The following ZNF273 variants were observed in gnomAD, a reference collection of about 807,000 sequenced individuals.
ZNF273 encodes zinc finger protein 273, also known as zinc finger protein 9.
Under a neutral mutation model 14.9 loss-of-function variants are expected in ZNF273, and 11 were observed. The ratio of observed to expected loss-of-function variants is 0.74; its 90% confidence interval spans 0.46 to 1.22. The LOEUF (loss-of-function observed/expected upper bound fraction) is 1.22, where lower values mean the gene tolerates loss of function less well. Among genes scored for constraint, ZNF273 ranks in the 50% most tolerant of loss-of-function variants. ZNF273 has a pLI of 0.00. For missense variants in ZNF273, 577 were observed against 660.6 expected (o/e 0.87, Z 1.39); for synonymous variants, 199 against 223.9 (o/e 0.89, Z 0.99).
At chr7:64,912,908 A>C (rs1454210551) in intron 1 of ZNF273, among the ~76,000 whole-genome samples, 7 of 132,916 alleles carry the variant, frequency 5.3e-5, no homozygotes, top group Non-Finnish European at 9.3e-5. Context: ...GGCTCACTGC[A>C]ACCTCCGCCT....
downstream of ZNF273, among the ~76,000 whole-genome samples, chr7:64,884,205 A>C (rs1039625137): frequency 1.3e-5 from 2 of 151,960 alleles, no homozygotes; most frequent in African/African-American, 4.8e-5. Flanking sequence ...AGGGTTTTTC[A>C]GTAGTTTGGC....
intron 3 of ZNF273, among the ~76,000 whole-genome samples, chr7:64,895,604 T>A (rs1009097908): frequency 1.3e-5 from 2 of 152,200 alleles, no homozygotes; most frequent in African/African-American, 4.8e-5. Flanking sequence ...TGGCTTAGTA[T>A]AAAAAAGCTG....
At chr7:64,894,287 G>A (rs1583969222), downstream of ZNF273, among the ~76,000 whole-genome samples, 1 of 150,688 alleles carries the variant, frequency 6.6e-6, no homozygotes, top group Non-Finnish European at 1.5e-5. Flanking sequence ...TTACGGGCAT[G>A]AGCCTCCATG....
chr7:64,920,806 G>A (rs911134057), intron 3 of ZNF273, among the ~76,000 whole-genome samples: 1 of 152,114 alleles, frequency 6.6e-6, no homozygotes, highest in African/African-American at 2.4e-5. Flanking sequence ...AATCCAGGCT[G>A]GTCTTAAAAT....
chr7:64,902,287 T>C (rs1169898055), upstream of ZNF273, among the ~76,000 whole-genome samples: 1 of 152,028 alleles, frequency 6.6e-6, no homozygotes, highest in Non-Finnish European at 1.5e-5. Context: ...AACTCCGTTT[T>C]AAAATCTCAG....
chr7:64,888,667 G>T (rs1791758993), exon 2 of ZNF273: 1 of 985,760 alleles, frequency 1.0e-6, no homozygotes, highest in African/African-American at 1.7e-5. Context: ...AGGGGGCCGC[G>T]TCTTCGGCAA....
intron 2 of ZNF273, among the ~76,000 whole-genome samples, chr7:64,917,987 C>T (rs2129082979): frequency 6.6e-6 from 1 of 152,192 alleles, no homozygotes; most frequent in South Asian, 2.1e-4. Flanking sequence ...ATTGCCACCA[C>T]TAATTTTTCA....
chr7:64,919,210 C>T (rs1043325366), intron 3 of ZNF273, among the ~76,000 whole-genome samples: 2 of 151,988 alleles, frequency 1.3e-5, no homozygotes, highest in Admixed American at 6.6e-5. Flanking sequence ...AATAAAATAC[C>T]ATTGCAATTT....
chr7:64,935,396 A>AT (rs1008864679), downstream of ZNF273, among the ~76,000 whole-genome samples: 76 of 151,816 alleles, frequency 5.0e-4, 1 homozygote, highest in African/African-American at 1.4e-3. Context: ...TTAGCTGTGC[A>AT]TTTTTTTTGG....
intron 3 of ZNF273, chr7:64,923,664 A>G (rs1294547607): frequency 4.8e-5 from 11 of 231,484 alleles, no homozygotes; most frequent in Middle Eastern, 1.7e-3. Context: ...ATTTCAGATC[A>G]TATCTACTGA....
intron 1 of ZNF273, among the ~76,000 whole-genome samples, chr7:64,904,391 A>G (rs931093831): frequency 1.3e-5 from 2 of 152,104 alleles, no homozygotes; most frequent in Non-Finnish European, 2.9e-5. Flanking sequence ...CGCCCGGCCA[A>G]TTTGAGTTAG....
chr7:64,888,290 T>G (rs1037947727), intron 1 of ZNF273: 1 of 985,296 alleles, frequency 1.0e-6, no homozygotes, highest in African/African-American at 1.7e-5. Context: ...GGGTCCTTCC[T>G]CCTGTGAGCT....
chr7:64,913,511 A>G (rs1583992509), intron 1 of ZNF273, among the ~76,000 whole-genome samples: 1 of 152,376 alleles, frequency 6.6e-6, no homozygotes, highest in East Asian at 1.9e-4. Context: ...GTACATGTGT[A>G]CATGCTGTTT....
chr7:64,889,155 T>A (rs1348851308), downstream of ZNF273: 1 of 985,812 alleles, frequency 1.0e-6, no homozygotes, highest in Non-Finnish European at 1.2e-6. The surrounding 1 kb of genome is among the most constrained non-coding windows in gnomAD (Gnocchi z 4.2). Flanking sequence ...ACGCCCGGGC[T>A]GAGCTGAGCT....
chr7:64,927,830 C>T lies in ZNF273; in HGVS notation c.502C>T (p.Gln168Ter), dbSNP rs1794837037. The T allele has an allele frequency of 6.2e-7, 1 of 1,613,828 alleles. No individual in the cohort carries two copies. The highest frequency in any genetic ancestry group is 1.1e-5 in the South Asian group (1 of 91,056). ...CAAAAGAGGTTATAATGGACTTAAC[C>T]AATGTTTGACAACTACCCAGAGCAA... ...VHKRGYNGLN[Q>*]CLTTTQSKIF... Residue 168 changes from glutamine to a stop codon, truncating the protein, a stop_gained, in exon 4 of 4, where the codon CAA becomes TAA. Transcript: ENST00000476120. LOFTEE classifies it low-confidence loss of function (END_TRUNC).
At chr7:64,889,557 T>C, downstream of ZNF273, 1 of 985,726 alleles carries the variant, frequency 1.0e-6, no homozygotes, top group Non-Finnish European at 1.2e-6. The surrounding 1 kb of genome is among the most constrained non-coding windows in gnomAD (Gnocchi z 4.2). Context: ...CGGTCTCCTC[T>C]GACCTGAGAG....
At chr7:64,932,236 A>AT (rs551486921), downstream of ZNF273, among the ~76,000 whole-genome samples, 252 of 141,554 alleles carry the variant, frequency 1.8e-3, no homozygotes, top group African/African-American at 4.5e-3. Context: ...AAAAAAAAAA[A>AT]AAATATCTTA....
intron 1 of ZNF273, among the ~76,000 whole-genome samples, chr7:64,906,008 G>C (rs1793089905): frequency 6.6e-6 from 1 of 152,162 alleles, no homozygotes; most frequent in Admixed American, 6.5e-5. Context: ...TTGCCAGAAT[G>C]AGTTTAAGAA....
downstream of ZNF273, chr7:64,879,969 C>T (rs1791205189): frequency 6.6e-6 from 1 of 152,244 alleles, no homozygotes; most frequent in South Asian, 2.1e-4. Context: ...ATTTTCCTTG[C>T]TTAGGTAGGC....
Sources: gnomAD v4.1 joint callset for allele counts (sites outside exome capture counted in the v4.1 genomes callset) on GRCh38, gnomAD v4.1.1 for gene constraint, Gnocchi (gnomAD v3.1) non-coding constraint, MANE v1.5 for transcripts, NCBI Gene and HGNC (gene_info 2026-07-23, HGNC 2026-07-21) for gene names.